Variants in NLRC4 observed in about 807,000 individuals in gnomAD.
NLRC4 encodes the protein NLR family CARD domain containing 4, also known as NLR family CARD domain-containing protein 4.
A neutral mutation model predicts 79.9 loss-of-function variants in NLRC4; 63 were observed. That is an observed-to-expected ratio of 0.79 (90% CI 0.64 to 0.97). The LOEUF is 0.97. Ranked by LOEUF, NLRC4 falls within the 50% of genes least tolerant of loss-of-function variation. NLRC4 has a pLI of 0.00. For missense variants in NLRC4, 1,074 were observed against 1,215.2 expected (o/e 0.88, Z 1.73); for synonymous variants, 461 against 456.5 (o/e 1.01, Z -0.12).
In NLRC4 at chr2:32,231,799, A is replaced by G. The variant is rs1171310391; in HGVS notation, c.2782+3602T>C. Among the ~76,000 whole-genome samples, 6 of 151,930 alleles carry G rather than the reference A, an allele frequency of 3.9e-5. No individual in the cohort carries two copies. The South Asian group carries it at 6.2e-4, about 16-fold the overall frequency. On this transcript the variant is annotated intron_variant, in intron 8 of 8. Coordinates refer to ENST00000402280, the MANE Select transcript of NLRC4 (RefSeq NM_001199138.2). The stretch of plus-strand genomic sequence containing the variant: ...GGGCTCGGACTCCTGGGCTCAAGCA[A>G]TCTGCCCACTTCGGCCTCCCAGAGT...
chr2:32,257,655 G>C (rs1363388195), intron 1 of NLRC4, among the ~76,000 whole-genome samples: 1 of 151,028 alleles, frequency 6.6e-6, no homozygotes, highest in Non-Finnish European at 1.5e-5. Flanking sequence ...AGGCCAGGTA[G>C]TTGGGCTGGG....
Position 32,251,287 on chromosome 2 carries a change from C to T in NLRC4, c.577G>A (p.Ala193Thr). ...AAGACGAATTTGAACTTGGTCAGAGCCTTGCACTTTCCGGAGCCCCAGAGC... is the reference window on the plus strand; with the variant it reads ...AAGACGAATTTGAACTTGGTCAGAGTCTTGCACTTTCCGGAGCCCCAGAGC... ...AMLWGSGKCK[A>T]LTKFKFVFFL... is the part of the protein sequence containing the mutation. Residue 193 changes from alanine to threonine, a missense_variant, in exon 4 of 9, where the codon GCT becomes ACT. By Grantham distance (58) the Ala-to-Thr change is moderately conservative (BLOSUM62 0). Transcript: ENST00000402280. 1 of 1,614,138 alleles carries T rather than the reference C, an allele frequency of 6.2e-7. No homozygotes were observed. The highest frequency in any genetic ancestry group is 8.5e-7 in the Non-Finnish European group (1 of 1,180,018).
Position 32,235,536 on chromosome 2 carries a change from C to G in NLRC4, c.2647G>C (p.Ala883Pro). 6.2e-7 allele frequency: 1 copy of G among 1,614,158 alleles called. No individual in the cohort carries two copies. The highest frequency in any genetic ancestry group is 8.5e-7 in the Non-Finnish European group (1 of 1,179,992). ...DRMNVLEQLT[A>P]LMLPWGCDVQ... is the part of the protein sequence containing the mutation. ...TCACAGCCCCAGGGCAGCATCAGTG[C>G]GGTGAGCTGTTCTAGCACGTTCATC... Residue 883 changes from alanine to proline, a missense_variant, in exon 8 of 9, where the codon GCA becomes CCA. By Grantham distance (27) the Ala-to-Pro change is conservative. Transcript: ENST00000402280.
intron 1 of NLRC4, among the ~76,000 whole-genome samples, chr2:32,257,940 G>A (rs898183431): frequency 2.0e-5 from 3 of 152,070 alleles, no homozygotes; most frequent in African/African-American, 7.2e-5. Flanking sequence ...TCAGCTGTCC[G>A]TAGGCGTCTT....
intron 7 of NLRC4, 41 bp downstream of exon 7, chr2:32,236,206 C>T (rs1463349558): frequency 1.6e-6 from 2 of 1,261,854 alleles, no homozygotes; most frequent in Non-Finnish European, 2.3e-6. Context: ...ACCCAGTATA[C>T]ATATTCAAGT....
intron 4 of NLRC4, 131 bp downstream of exon 4, chr2:32,249,476 G>A (rs1687012156): frequency 2.6e-6 from 2 of 756,318 alleles, no homozygotes; most frequent in Admixed American, 2.6e-5. Flanking sequence ...ATGTTTCTCA[G>A]CCTGTGGGAT....
rs57570626 is a variant in NLRC4, at chr2:32,259,262, A to ATTTTTTTTTTTTTTTTTTTTTTTT, written c.-118-2393_-118-2370dup. On this transcript the variant is annotated intron_variant, in intron 1 of 8. Coordinates refer to ENST00000402280, the MANE Select transcript of NLRC4 (RefSeq NM_001199138.2). ...AGGTGTGTGCCACCATGCCTGGCTAATTTTTTTTTTTTTTTTTTTTTTTTT... is the reference window on the plus strand; with the variant it reads ...AGGTGTGTGCCACCATGCCTGGCTAATTTTTTTTTTTTTTTTTTTTTTTTTTTTTTTTTTTTTTTTTTTTTTTTT... 1.4e-3 allele frequency among the ~76,000 whole-genome samples: 76 copies of ATTTTTTTTTTTTTTTTTTTTTTTT among 52,894 alleles called. 9 individuals carry two copies. The highest frequency in any genetic ancestry group is 1.8e-3 in the African/African-American group (19 of 10,700). The allele number at this position is 52,894 out of a possible 152,430, so 34.7% of individuals were successfully genotyped here. A position where few individuals can be genotyped will look rare whatever the true frequency, so the allele number is the denominator to read the frequency against.
chr2:32,233,343 A>ATTT (rs1180601949), intron 8 of NLRC4, among the ~76,000 whole-genome samples: 7 of 54,780 alleles, frequency 1.3e-4, no homozygotes, highest in African/African-American at 6.2e-4. Context: ...ATATATATAT[A>ATTT]TATATATTTT....
chr2:32,247,704 G>A (rs944320665), intron 4 of NLRC4, among the ~76,000 whole-genome samples: 2 of 151,898 alleles, frequency 1.3e-5, no homozygotes, highest in Non-Finnish European at 2.9e-5. Context: ...TCAGACTACA[G>A]CTCTGGGAAT....
At chr2:32,227,682 T>C (rs756085322) in intron 8 of NLRC4, among the ~76,000 whole-genome samples, 1 of 152,154 alleles carries the variant, frequency 6.6e-6, no homozygotes. Context: ...AAGGATCTTA[T>C]CATCAATTTA....
At chr2:32,256,741 A>T (rs746035171) in intron 2 of NLRC4, 34 bp downstream of exon 2, 3 of 780,704 alleles carry the variant, frequency 3.8e-6, no homozygotes, top group Non-Finnish European at 7.2e-6. Context: ...AGCAGACTGT[A>T]TAACCAGGCA....
chr2:32,261,316 C>CCCT, intron 1 of NLRC4, among the ~76,000 whole-genome samples: 37 of 96,900 alleles, frequency 3.8e-4, no homozygotes, highest in Non-Finnish European at 4.6e-4. Context: ...AGCCTCCCCC[C>CCCT]TTTTGTTTTT....
At chr2:32,262,901 CACATTTGT>C (rs1432513854) in intron 1 of NLRC4, among the ~76,000 whole-genome samples, 1 of 151,596 alleles carries the variant, frequency 6.6e-6, no homozygotes, top group Non-Finnish European at 1.5e-5. Flanking sequence ...GTCCTTCCCC[CACATTTGT>C]ACATTGGAAA....
At chr2:32,243,826 C>T (rs1686864291) in intron 4 of NLRC4, among the ~76,000 whole-genome samples, 1 of 151,524 alleles carries the variant, frequency 6.6e-6, no homozygotes, top group Non-Finnish European at 1.5e-5. Context: ...TATTACACCA[C>T]CTCCAAATGG....
intron 8 of NLRC4, among the ~76,000 whole-genome samples, chr2:32,232,711 A>G (rs908411754): frequency 1.3e-5 from 2 of 152,232 alleles, no homozygotes; most frequent in Admixed American, 1.3e-4. Context: ...GTAGGAAGGC[A>G]AGTCAAAATA....
intron 6 of NLRC4, among the ~76,000 whole-genome samples, chr2:32,237,373 G>C (rs556819466): frequency 2.0e-5 from 3 of 152,152 alleles, no homozygotes; most frequent in Non-Finnish European, 2.9e-5. Flanking sequence ...GCTATTTGCA[G>C]TTCTAAGCCT....
chr2:32,262,202 G>A (rs925762110), intron 1 of NLRC4, among the ~76,000 whole-genome samples: 1 of 152,218 alleles, frequency 6.6e-6, no homozygotes, highest in African/African-American at 2.4e-5. Flanking sequence ...GACACACTAA[G>A]AGTCCTCAAT....
chr2:32,261,024 C>G (rs2148948672), intron 1 of NLRC4, among the ~76,000 whole-genome samples: 1 of 151,998 alleles, frequency 6.6e-6, no homozygotes, highest in South Asian at 2.1e-4. Flanking sequence ...AACCCTGTCT[C>G]TACTAAAAAA....
At position 32,252,761 on chromosome 2, in the gene NLRC4, G is replaced by A. The variant is rs941134427; in HGVS notation, c.2-82C>T. ...CGGCTGGGCACGGTGGCTCACGCCT[G>A]TAATCCCAGCACTTTGGGAGGCCGA... On this transcript the variant is annotated intron_variant, in intron 2 of 8. Coordinates refer to ENST00000402280, the MANE Select transcript of NLRC4 (RefSeq NM_001199138.2). 3.2e-6 allele frequency: 4 copies of A among 1,236,268 alleles called. No individual in the cohort carries two copies. The Admixed American group carries it at 5.7e-5, about 18-fold the overall frequency. 76.6% of individuals were successfully genotyped at this position (1,236,268 alleles called of 1,614,324 possible).
Sources: allele counts gnomAD v4.1 joint callset (sites outside exome capture counted in the v4.1 genomes callset), GRCh38; gene constraint gnomAD v4.1.1; transcripts MANE v1.5; gene names NCBI Gene and HGNC (gene_info 2026-07-23, HGNC 2026-07-21).